CTSB: variants seen among roughly 807,000 people sequenced by gnomAD.
The protein encoded by CTSB is cathepsin B.
CTSB carries 57 observed loss-of-function variants against 44.3 expected under a neutral mutation model. That is an observed-to-expected ratio of 1.29 (90% CI 1.04 to 1.60). The LOEUF is 1.60. CTSB is among the 40% of genes most tolerant of loss of function. The pLI is 0.00. For missense variants in CTSB, 768 were observed against 443.0 expected, an observed-to-expected ratio of 1.73 and a Z score of -6.59; for synonymous variants, 320 against 168.0, an observed-to-expected ratio of 1.91 and a Z score of -7.00.
In CTSB at chr8:11,845,698, C is replaced by G; in HGVS notation, c.885G>C (p.Leu295=). 6.2e-7 allele frequency: 1 copy of G among 1,614,056 alleles called. No individual in the cohort carries two copies. The highest frequency in any genetic ancestry group is 1.1e-5 in the South Asian group (1 of 91,068). The change falls in exon 9 of 10, where the codon CTG becomes CTC. Residue 295 remains leucine (L), a synonymous_variant. Transcript: ENST00000353047. The part of the protein sequence containing the change: ...WGVENGTPYW[L]VANSWNTDWG... ...AGTCAGTGTTCCAGGAGTTGGCAACCAGCCAGTAGGGTGTGCCATTCTCCA... is the reference window on the plus strand; with the variant it reads ...AGTCAGTGTTCCAGGAGTTGGCAACGAGCCAGTAGGGTGTGCCATTCTCCA...
intron 1 of CTSB, among the ~76,000 whole-genome samples, chr8:11,857,322 G>T (rs975659513): frequency 6.6e-6 from 1 of 152,074 alleles, no homozygotes; most frequent in African/African-American, 2.4e-5. Flanking sequence ...CTGGCCCCTA[G>T]TGACTTTCTT....
rs1216923720 is a variant in CTSB at position 11,849,026 on chromosome 8, G to A, written c.446+20C>T. The A allele has an allele frequency of 3.8e-6, 6 of 1,589,628 alleles. No homozygotes were observed. Among genetic ancestry groups the A allele is most frequent in the Non-Finnish European group, 5.2e-6 (6 of 1,159,204 alleles). ...GGTCTCTCAGCACTAAACCCGCTGT[G>A]GAAGCACAGCCTGACTCACCCGTCC... On this transcript the variant is annotated intron_variant, in intron 5 of 9. Transcript: ENST00000353047.
chr8:11,865,826 G>C (rs182865154), intron 1 of CTSB, among the ~76,000 whole-genome samples: 1 of 148,552 alleles, frequency 6.7e-6, no homozygotes, highest in East Asian at 2.0e-4. Flanking sequence ...GGCTAACATG[G>C]TGAAAGCCCG....
chr8:11,860,733 G>A (rs545386650), intron 1 of CTSB, among the ~76,000 whole-genome samples: 65 of 152,326 alleles, frequency 4.3e-4, no homozygotes, highest in Middle Eastern at 3.4e-3. Context: ...CTAAGAGCAC[G>A]GGAACAGTGG....
chr8:11,860,164 G>A (rs1816200688), intron 1 of CTSB, among the ~76,000 whole-genome samples: 1 of 152,222 alleles, frequency 6.6e-6, no homozygotes, highest in Non-Finnish European at 1.5e-5. Context: ...TAAGGAGACA[G>A]GATATGTACA....
chr8:11,863,754 T>G (rs1158562723), intron 1 of CTSB, among the ~76,000 whole-genome samples: 1 of 152,122 alleles, frequency 6.6e-6, no homozygotes, highest in African/African-American at 2.4e-5. Flanking sequence ...CCCATCAGAT[T>G]GGCAAAAATC....
chr8:11,851,224 G>C (rs988976626), intron 3 of CTSB, among the ~76,000 whole-genome samples: 2 of 151,956 alleles, frequency 1.3e-5, no homozygotes, highest in Non-Finnish European at 2.9e-5. Flanking sequence ...GAATTTCACT[G>C]TGTCATCCAG....
intron 5 of CTSB, chr8:11,848,495 C>T (rs1333967607): frequency 2.5e-6 from 1 of 403,960 alleles, no homozygotes; most frequent in Non-Finnish European, 4.8e-6. Flanking sequence ...TACTTAAAAA[C>T]ACCACCAGTT....
At chr8:11,850,385 C>T (rs1276390643) in intron 4 of CTSB, among the ~76,000 whole-genome samples, 2 of 128,336 alleles carry the variant, frequency 1.6e-5, no homozygotes, top group African/African-American at 5.9e-5. Flanking sequence ...CACCACTGCA[C>T]TCCAGCCTGG....
In CTSB at chr8:11,847,300, G is replaced by T. The variant is rs1384832693; in HGVS notation, c.677-132C>A. 3 of 677,730 alleles carry T rather than the reference G, an allele frequency of 4.4e-6. No individual in the cohort carries two copies. In the African/African-American group the frequency reaches 5.3e-5, roughly 12 times the overall value. The allele number at this position is 677,730 out of a possible 1,614,324, so 42.0% of individuals were successfully genotyped here. On this transcript the variant is annotated intron_variant, in intron 7 of 9. Transcript: ENST00000353047. ...ATCTAAGGGGACTTGCCCTGCCAGGGGAGCTCAAGGAAGGCTCCCCTGAAG... is the reference window on the plus strand; with the variant it reads ...ATCTAAGGGGACTTGCCCTGCCAGGTGAGCTCAAGGAAGGCTCCCCTGAAG...
At chr8:11,858,916 C>T (rs547762347) in intron 1 of CTSB, among the ~76,000 whole-genome samples, 1 of 152,290 alleles carries the variant, frequency 6.6e-6, no homozygotes, top group East Asian at 1.9e-4. Context: ...TCTGTGCTTT[C>T]TGCTCTGCTT....
chr8:11,852,176 G>T (rs569919433), intron 3 of CTSB, among the ~76,000 whole-genome samples: 1 of 152,124 alleles, frequency 6.6e-6, no homozygotes, highest in African/African-American at 2.4e-5. Context: ...TTCGAGACGA[G>T]CCTGGCCAGT....
At position 11,845,608 on chromosome 8, in the gene CTSB, C is replaced by A. The variant is rs142498790; in HGVS notation, c.922+53G>T. 1.9e-6 allele frequency: 3 copies of A among 1,587,654 alleles called. No individual in the cohort carries two copies. In the African/African-American group the frequency reaches 4.0e-5, roughly 21 times the overall value. Reference sequence around the variant, plus strand: ...AGAACAGAGAAAGCCGAGATGGCCACGGGGTGTGGCTCACAATTCACTGTT... The same window carrying A: ...AGAACAGAGAAAGCCGAGATGGCCAAGGGGTGTGGCTCACAATTCACTGTT... On this transcript the variant is annotated intron_variant, in intron 9 of 9. Transcript: ENST00000353047.
In CTSB at chr8:11,844,171, G is replaced by T. The variant is rs938540868; in HGVS notation, c.*954C>A. 6.6e-6 allele frequency: 1 copy of T among 152,248 alleles called. No individual in the cohort carries two copies. Among genetic ancestry groups the T allele is most frequent in the African/African-American group, 2.4e-5 (1 of 41,456 alleles). The allele number at this position is 152,248 out of a possible 1,614,324, so 9.4% of individuals were successfully genotyped here. Reference sequence around the variant, plus strand: ...GGAGGGATGCCATGGTTGAAAACATGGCTGGGGCAGCGAGAAGTTAAGATG... The same window carrying T: ...GGAGGGATGCCATGGTTGAAAACATTGCTGGGGCAGCGAGAAGTTAAGATG... On this transcript the variant is annotated 3_prime_UTR_variant, in exon 10 of 10. Transcript: ENST00000353047.
intron 1 of CTSB, among the ~76,000 whole-genome samples, chr8:11,866,016 C>CA (rs796618698): frequency 0.025 from 2,050 of 81,198 alleles, 30 homozygotes; most frequent in African/African-American, 0.056. Flanking sequence ...GAGTGTGTCT[C>CA]AAAAAAAAAA....
chr8:11,854,156 TGAGTCACCCTCC>T (rs1200000858), intron 1 of CTSB, among the ~76,000 whole-genome samples: 1 of 152,222 alleles, frequency 6.6e-6, no homozygotes, highest in Non-Finnish European at 1.5e-5. Context: ...GCTTGAACTC[TGAGTCACCCTCC>T]TAAGTGAGCA....
chr8:11,851,963 G>A (rs1252961512), intron 3 of CTSB, among the ~76,000 whole-genome samples: 1 of 152,128 alleles, frequency 6.6e-6, no homozygotes, highest in African/African-American at 2.4e-5. Context: ...CACCATACTT[G>A]GCCTCATCTG....
At chr8:11,852,137 T>C (rs1171038681) in intron 3 of CTSB, among the ~76,000 whole-genome samples, 2 of 151,946 alleles carry the variant, frequency 1.3e-5, no homozygotes, top group South Asian at 2.1e-4. Flanking sequence ...GGATGCCGAG[T>C]TGGGCAGATG....
chr8:11,867,980 C>A (rs1474244924), intron 1 of CTSB, 21 bp downstream of exon 1: 1 of 152,186 alleles, frequency 6.6e-6, no homozygotes, highest in African/African-American at 2.4e-5. Context: ...GCTGCGGTGG[C>A]CCCGGGTCCC....
Sources: allele counts gnomAD v4.1 joint callset (sites outside exome capture counted in the v4.1 genomes callset), GRCh38; gene constraint gnomAD v4.1.1; transcripts MANE v1.5; gene names NCBI Gene and HGNC (gene_info 2026-07-23, HGNC 2026-07-21).